RANBP17: variants seen among roughly 807,000 people sequenced by gnomAD.
RANBP17 encodes RAN binding protein 17.
Under a neutral mutation model 141.2 loss-of-function variants are expected in RANBP17, and 158 were observed. The ratio of observed to expected loss-of-function variants is 1.12; its 90% CI spans 0.98 to 1.28. RANBP17 has a LOEUF of 1.28. Among genes scored for constraint, RANBP17 ranks in the 50% most tolerant of loss-of-function variants. The pLI is 0.00. For synonymous variants in RANBP17, 430 were observed against 450.0 expected (o/e 0.96, Z 0.56); for missense variants, 1,438 against 1,290.7 (o/e 1.11, Z -1.75).
At chr5:170,985,421 G>A (rs576136579) in intron 14 of RANBP17, among the ~76,000 whole-genome samples, 4 of 152,226 alleles carry the variant, frequency 2.6e-5, no homozygotes, top group African/African-American at 9.6e-5. Flanking sequence ...CCTGAATTCT[G>A]TCCTCCCAAA....
At chr5:170,909,375 T>C (rs1257715816) in intron 5 of RANBP17, among the ~76,000 whole-genome samples, 2 of 151,780 alleles carry the variant, frequency 1.3e-5, no homozygotes, top group Non-Finnish European at 3.0e-5. Flanking sequence ...AACAGGGAAG[T>C]TGTTACTGCA....
intron 1 of RANBP17, among the ~76,000 whole-genome samples, chr5:170,870,283 G>A (rs900320113): frequency 1.2e-4 from 19 of 152,156 alleles, no homozygotes; most frequent in South Asian, 2.1e-4. Context: ...TACATGTGCC[G>A]TGGTGGTTTG....
At chr5:171,297,533 T>A (rs1768892211) in intron 27 of RANBP17, among the ~76,000 whole-genome samples, 1 of 152,154 alleles carries the variant, frequency 6.6e-6, no homozygotes, top group Admixed American at 6.6e-5. Context: ...CATGACCAAG[T>A]CAGTTGGGGT....
At chr5:171,044,038 T>C (rs1026181063) in intron 14 of RANBP17, among the ~76,000 whole-genome samples, 2 of 152,126 alleles carry the variant, frequency 1.3e-5, no homozygotes, top group African/African-American at 4.8e-5. Context: ...TTCATCTAAT[T>C]TGGTGAACTG....
intron 13 of RANBP17, among the ~76,000 whole-genome samples, chr5:170,958,788 A>G (rs1186355910): frequency 6.6e-6 from 1 of 152,176 alleles, no homozygotes; most frequent in Non-Finnish European, 1.5e-5. Flanking sequence ...TATGACTGAA[A>G]CATGCTACTT....
intron 25 of RANBP17, among the ~76,000 whole-genome samples, chr5:171,279,219 C>T (rs1767704573): frequency 6.6e-6 from 1 of 152,146 alleles, no homozygotes; most frequent in Non-Finnish European, 1.5e-5. Flanking sequence ...CTTACCTGTT[C>T]CTCCTGCATA....
At chr5:170,935,306 C>G (rs750298724) in intron 12 of RANBP17, among the ~76,000 whole-genome samples, 5 of 152,192 alleles carry the variant, frequency 3.3e-5, no homozygotes, top group Non-Finnish European at 7.3e-5. Flanking sequence ...CTTCTTCTCT[C>G]GAATCGTCAA....
intron 18 of RANBP17, among the ~76,000 whole-genome samples, chr5:171,184,168 A>G (rs1761067243): frequency 6.6e-6 from 1 of 152,214 alleles, no homozygotes; most frequent in Admixed American, 6.5e-5. Context: ...TATATCAAAT[A>G]GTTGCATTCC....
chr5:170,871,012 A>G (rs1219642451), intron 1 of RANBP17, among the ~76,000 whole-genome samples: 1 of 152,152 alleles, frequency 6.6e-6, no homozygotes, highest in African/African-American at 2.4e-5. Flanking sequence ...GGCCACATAA[A>G]TGTCTTCTTT....
At chr5:171,066,447 C>G (rs1784317500) in intron 14 of RANBP17, among the ~76,000 whole-genome samples, 1 of 152,138 alleles carries the variant, frequency 6.6e-6, no homozygotes, top group Admixed American at 6.5e-5. Flanking sequence ...TAGCTTATTT[C>G]ACTTAACATA....
At chr5:170,951,370 A>T (rs1239640015) in intron 12 of RANBP17, among the ~76,000 whole-genome samples, 2 of 152,160 alleles carry the variant, frequency 1.3e-5, no homozygotes, top group African/African-American at 4.8e-5. Flanking sequence ...ATCAATAAAA[A>T]TAAATAAGAT....
At chr5:171,294,211 C>T (rs1215095821) in intron 26 of RANBP17, among the ~76,000 whole-genome samples, 1 of 152,156 alleles carries the variant, frequency 6.6e-6, no homozygotes, top group Non-Finnish European at 1.5e-5. Context: ...GAGCCCAGAG[C>T]CCCCACTCAC....
intron 14 of RANBP17, among the ~76,000 whole-genome samples, chr5:171,078,224 C>T (rs1418023251): frequency 6.6e-6 from 1 of 150,906 alleles, no homozygotes; most frequent in African/African-American, 2.4e-5. Context: ...CCTCTGCCTC[C>T]TGGGTTCAAG....
chr5:171,191,563 T>C (rs1271863355), intron 18 of RANBP17, among the ~76,000 whole-genome samples: 1 of 151,970 alleles, frequency 6.6e-6, no homozygotes, highest in African/African-American at 2.4e-5. Context: ...GGCGGGTCTC[T>C]GTAGTCCCAG....
Position 171,062,182 on chromosome 5 carries a change from G to GT in RANBP17, c.1710+93806dup, listed in dbSNP as rs1783926629. 5.3e-5 allele frequency among the ~76,000 whole-genome samples: 8 copies of GT among 152,064 alleles called. No homozygotes were observed. In the South Asian group the frequency reaches 1.7e-3, roughly 32 times the overall value. ...ACATTTAAAGTTAATATTGTTATGT[G>GT]TGAATTTGATCCTGTCATTATGATG... On this transcript the variant is annotated intron_variant, in intron 14 of 27. Coordinates refer to ENST00000523189, the MANE Select transcript of RANBP17 (RefSeq NM_022897.5).
At chr5:171,147,286 A>G (rs1758092296) in intron 14 of RANBP17, among the ~76,000 whole-genome samples, 1 of 151,438 alleles carries the variant, frequency 6.6e-6, no homozygotes, top group South Asian at 2.1e-4. Context: ...AGTCTAAAAA[A>G]AAACATGGAA....
intron 14 of RANBP17, among the ~76,000 whole-genome samples, chr5:171,083,830 C>T (rs959720200): frequency 2.6e-5 from 4 of 152,082 alleles, no homozygotes; most frequent in Non-Finnish European, 5.9e-5. Context: ...TACATAAGCT[C>T]CTCTCTTGCC....
At chr5:171,219,617 C>G (rs1022478752) in intron 21 of RANBP17, among the ~76,000 whole-genome samples, 4 of 151,866 alleles carry the variant, frequency 2.6e-5, no homozygotes, top group African/African-American at 9.7e-5. Context: ...CCAATCTTGT[C>G]TTCATACTTT....
At chr5:171,196,549 G>A (rs1160829952) in intron 18 of RANBP17, among the ~76,000 whole-genome samples, 5 of 152,080 alleles carry the variant, frequency 3.3e-5, no homozygotes, top group South Asian at 2.1e-4. Flanking sequence ...TTTGATCACC[G>A]TAATCACCTC....
Sources: gnomAD v4.1 joint callset for allele counts (sites outside exome capture counted in the v4.1 genomes callset) on GRCh38, gnomAD v4.1.1 for gene constraint, MANE v1.5 for transcripts, NCBI Gene and HGNC (gene_info 2026-07-23, HGNC 2026-07-21) for gene names.